The following VPS8 variants were observed in gnomAD, a reference collection of about 807,000 sequenced individuals.
VPS8 encodes the protein vacuolar protein sorting-associated protein 8 homolog.
A neutral mutation model predicts 216.4 loss-of-function variants in VPS8; 129 were observed. The observed-to-expected ratio is 0.60, with a 90% confidence interval of 0.52 to 0.69. VPS8 has a LOEUF of 0.69. VPS8 is among the 30% of genes least tolerant of loss of function. The pLI is 0.00. For synonymous variants in VPS8, 571 were observed against 565.4 expected, an observed-to-expected ratio of 1.01 and a Z score of -0.14; for missense variants, 1,531 against 1,683.5, an observed-to-expected ratio of 0.91 and a Z score of 1.59.
At chr3:184,850,060 T>C (rs771731797) in intron 10 of VPS8, 38 bp downstream of exon 10, 1 of 1,532,242 alleles carries the variant, frequency 6.5e-7, no homozygotes, top group South Asian at 1.2e-5. Context: ...AATTTTTTTA[T>C]TATGCCTTTG....
At chr3:184,867,379 TCA>T (rs1727555534) in intron 17 of VPS8, among the ~76,000 whole-genome samples, 1 of 152,224 alleles carries the variant, frequency 6.6e-6, no homozygotes, top group African/African-American at 2.4e-5. Flanking sequence ...TCAATTTATC[TCA>T]GTTTGTTCCT....
chr3:184,974,672 A>C (rs192533050), intron 40 of VPS8, among the ~76,000 whole-genome samples: 1 of 152,204 alleles, frequency 6.6e-6, no homozygotes, highest in East Asian at 1.9e-4. Context: ...ATTTTCTTCC[A>C]GTAGTTGTAT....
intron 22 of VPS8, among the ~76,000 whole-genome samples, chr3:184,888,058 G>C (rs1731624027): frequency 6.6e-6 from 1 of 151,180 alleles, no homozygotes. Flanking sequence ...CGTGATCTCA[G>C]CTCACTGCAA....
intron 21 of VPS8, among the ~76,000 whole-genome samples, chr3:184,875,424 T>G (rs141707433): frequency 4.6e-5 from 7 of 152,320 alleles, no homozygotes; most frequent in African/African-American, 1.7e-4. Context: ...CTTTTATTTA[T>G]CTGAGAAAAG....
At chr3:184,830,042 G>T (rs747526497) in intron 3 of VPS8, among the ~76,000 whole-genome samples, 1 of 152,050 alleles carries the variant, frequency 6.6e-6, no homozygotes. Context: ...ATTCGTGTGC[G>T]TGTGTGTGTC....
chr3:184,843,589 A>G (rs984362707), intron 8 of VPS8, among the ~76,000 whole-genome samples: 10 of 152,266 alleles, frequency 6.6e-5, no homozygotes, highest in Admixed American at 5.9e-4. Flanking sequence ...TGGGTCATGC[A>G]AGATTTGCCA....
At chr3:184,915,944 T>C (rs1383374092) in intron 28 of VPS8, among the ~76,000 whole-genome samples, 2 of 152,216 alleles carry the variant, frequency 1.3e-5, no homozygotes, top group African/African-American at 4.8e-5. Context: ...TTTTTTTCTC[T>C]AGTTCCTTGC....
chr3:184,951,962 A>G (rs1224868794), intron 36 of VPS8, among the ~76,000 whole-genome samples: 1 of 152,200 alleles, frequency 6.6e-6, no homozygotes, highest in East Asian at 1.9e-4. Flanking sequence ...ATGCATATTC[A>G]CAACTTTGTT....
intron 40 of VPS8, among the ~76,000 whole-genome samples, chr3:184,974,755 A>G (rs532260742): frequency 1.3e-5 from 2 of 152,250 alleles, no homozygotes; most frequent in East Asian, 3.9e-4. Flanking sequence ...ATAAGAGTCT[A>G]GTTTCATTCT....
intron 25 of VPS8, among the ~76,000 whole-genome samples, chr3:184,912,506 A>G (rs7618180): frequency 0.78 from 117,838 of 151,928 alleles, 46,608 homozygotes; most frequent in African/African-American, 0.88. Flanking sequence ...ACATGACTCA[A>G]TTCCGAAGCT....
At chr3:184,832,597 A>T in intron 3 of VPS8, 92 bp from the exon 4 acceptor site, 1 of 1,134,470 alleles carries the variant, frequency 8.8e-7, no homozygotes, top group Non-Finnish European at 1.2e-6. Context: ...AGAAATAAGC[A>T]CTTGTGTGCT....
At chr3:185,043,315 G>A (rs1241563739) in intron 46 of VPS8, among the ~76,000 whole-genome samples, 1 of 152,168 alleles carries the variant, frequency 6.6e-6, no homozygotes, top group Non-Finnish European at 1.5e-5. Flanking sequence ...TTGGGCTAAT[G>A]TATACATTAA....
chr3:185,051,926 G>A lies in VPS8; in HGVS notation c.4188G>A (p.Arg1396=). The A allele has an allele frequency of 6.2e-7, 1 of 1,613,496 alleles. No individual in the cohort carries two copies. Among genetic ancestry groups the A allele is most frequent in the Admixed American group, 1.7e-5 (1 of 59,980 alleles). ...LSQNRSSESY[R]PFSGSQSAPA... ...AGAATCGCAGCAGCGAGAGCTATAG[G>A]CCATTCAGTGGCTCGCAGAGTGCTC... is the stretch of plus-strand genomic sequence containing the variant. Residue 1396 remains arginine (R), a synonymous_variant, in exon 48 of 48, where the codon AGG becomes AGA. Coordinates refer to ENST00000625842, the MANE Select transcript of VPS8 (RefSeq NM_001009921.3).
intron 43 of VPS8, among the ~76,000 whole-genome samples, chr3:184,995,634 C>T (rs941525883): frequency 1.3e-5 from 2 of 152,196 alleles, no homozygotes; most frequent in African/African-American, 4.8e-5. Flanking sequence ...AACCCAAATA[C>T]ATAGCCAGAT....
intron 28 of VPS8, among the ~76,000 whole-genome samples, chr3:184,916,124 G>A (rs923365948): frequency 2.0e-5 from 3 of 152,164 alleles, no homozygotes; most frequent in African/African-American, 7.2e-5. Flanking sequence ...AAGGAGATGC[G>A]GTAGTGATGA....
chr3:185,050,931 C>T (rs1714094787), intron 47 of VPS8, among the ~76,000 whole-genome samples: 2 of 152,200 alleles, frequency 1.3e-5, no homozygotes, highest in South Asian at 4.1e-4. Flanking sequence ...ACCATTTTGA[C>T]CTGGGCTCTG....
intron 36 of VPS8, among the ~76,000 whole-genome samples, chr3:184,955,660 A>T (rs757806386): frequency 7.2e-5 from 11 of 152,100 alleles, no homozygotes; most frequent in Non-Finnish European, 1.3e-4. Flanking sequence ...CACAGGGAGA[A>T]CACCTGCTAA....
At chr3:184,966,780 A>C (rs921862845) in intron 39 of VPS8, 67 bp downstream of exon 39, 9 of 1,212,298 alleles carry the variant, frequency 7.4e-6, no homozygotes, top group Non-Finnish European at 1.1e-5. Context: ...GATGTTTAAT[A>C]AATTGCATTT....
chr3:184,867,977 A>C (rs1727679328), intron 17 of VPS8, 47 bp from the exon 18 acceptor site: 9 of 1,597,734 alleles, frequency 5.6e-6, no homozygotes, highest in Non-Finnish European at 7.7e-6. Context: ...CTCCCAAAGA[A>C]GTCTGTTAAG....
Sources: gnomAD v4.1 joint callset for allele counts (sites outside exome capture counted in the v4.1 genomes callset) on GRCh38, gnomAD v4.1.1 for gene constraint, MANE v1.5 for transcripts, NCBI Gene and HGNC (gene_info 2026-07-23, HGNC 2026-07-21) for gene names.